Variants in SHOC2 observed in about 807,000 individuals in gnomAD.
SHOC2 encodes the protein SHOC2 leucine rich repeat scaffold protein.
SHOC2 carries 4 observed loss-of-function variants against 50.2 expected under a neutral mutation model. That is an observed-to-expected ratio of 0.08 (90% CI 0.04 to 0.18). SHOC2 has a LOEUF of 0.18. Ranked by LOEUF, SHOC2 falls within the 10% of genes least tolerant of loss-of-function variation. SHOC2 has a pLI of 1.00. For synonymous variants in SHOC2, 218 were observed against 244.5 expected (o/e 0.89, Z 1.01); for missense variants, 388 against 669.6 (o/e 0.58, Z 4.64).
rs530191382 is a variant in SHOC2, at chr10:110,973,516, C to A, written c.703+8455C>A. On this transcript the variant is annotated intron_variant, in intron 2 of 8. Transcript: ENST00000369452. ...TATTTTCTTTTTTAAAAATTTTGAT[C>A]ATGGTTTGGTATCAGGGTAATACTG... is the stretch of plus-strand genomic sequence containing the variant. 2.0e-5 allele frequency among the ~76,000 whole-genome samples: 3 copies of A among 151,846 alleles called. No individual in the cohort carries two copies. The East Asian group carries it at 5.8e-4, about 29-fold the overall frequency.
chr10:111,007,471 G>GTATA (rs1202201014), intron 5 of SHOC2, 60 bp from the exon 6 acceptor site: 5 of 1,571,756 alleles, frequency 3.2e-6, no homozygotes, highest in Non-Finnish European at 4.4e-6. Context: ...GAAGTGACAG[G>GTATA]TATATATAGA....
At chr10:110,933,494 G>T (rs1286887534) in intron 1 of SHOC2, among the ~76,000 whole-genome samples, 1 of 152,120 alleles carries the variant, frequency 6.6e-6, no homozygotes, top group African/African-American at 2.4e-5. Context: ...AAACCAATAG[G>T]ACTAGGATAC....
intron 1 of SHOC2, among the ~76,000 whole-genome samples, chr10:110,937,778 CAT>C (rs1847058163): frequency 6.6e-6 from 1 of 152,124 alleles, no homozygotes; most frequent in Non-Finnish European, 1.5e-5. Context: ...CACAATTTAA[CAT>C]ATGAGTTTGA....
At chr10:111,007,412 A>C in intron 5 of SHOC2, 119 bp from the exon 6 acceptor site, 2 of 1,161,950 alleles carry the variant, frequency 1.7e-6, no homozygotes, top group Non-Finnish European at 2.5e-6. Context: ...TCTATATTTA[A>C]ATATCAAAAA....
At chr10:110,978,045 A>G (rs1346399757) in intron 2 of SHOC2, among the ~76,000 whole-genome samples, 7 of 152,184 alleles carry the variant, frequency 4.6e-5, no homozygotes, top group Non-Finnish European at 1.0e-4. Flanking sequence ...GCTTTCCTAG[A>G]CTAAAATCGT....
chr10:110,926,986 C>G (rs1442493731), intron 1 of SHOC2, among the ~76,000 whole-genome samples: 9 of 152,104 alleles, frequency 5.9e-5, no homozygotes. Context: ...GTTTACTTTG[C>G]TATGAAATAT....
chr10:110,977,066 C>T (rs954135273), intron 2 of SHOC2, among the ~76,000 whole-genome samples: 1 of 152,154 alleles, frequency 6.6e-6, no homozygotes, highest in African/African-American at 2.4e-5. Context: ...TTTTATTTCT[C>T]ACCTCTATAC....
intron 1 of SHOC2, among the ~76,000 whole-genome samples, chr10:110,949,785 A>G (rs559005041): frequency 3.0e-4 from 45 of 152,366 alleles, no homozygotes; most frequent in Non-Finnish European, 4.9e-4. Context: ...AGCATATGCA[A>G]GAACCAATAA....
rs776320801 is a variant in SHOC2 at position 111,011,671 on chromosome 10, C to T, written c.1602C>T (p.Pro534=). 7.4e-6 allele frequency: 12 copies of T among 1,613,900 alleles called. No homozygotes were observed. Among genetic ancestry groups the T allele is most frequent in the South Asian group, 1.1e-5 (1 of 91,074 alleles). ...ACAACCCCAACCTGCATAGCCTTCC[C>T]TTTGAGCTGGCACTCTGCAGCAAGC... ...LNDNPNLHSL[P]FELALCSKLS... The change falls in exon 9 of 9, where the codon CCC becomes CCT. Residue 534 remains proline (P), a synonymous_variant. Coordinates refer to ENST00000369452, the MANE Select transcript of SHOC2 (RefSeq NM_007373.4).
At chr10:110,988,120 C>T (rs905609702) in intron 3 of SHOC2, among the ~76,000 whole-genome samples, 5 of 152,042 alleles carry the variant, frequency 3.3e-5, no homozygotes, top group African/African-American at 1.2e-4. Flanking sequence ...TAAAAAGTTA[C>T]ATTCTGGTGG....
At chr10:110,938,406 T>C (rs1847070893) in intron 1 of SHOC2, among the ~76,000 whole-genome samples, 1 of 152,174 alleles carries the variant, frequency 6.6e-6, no homozygotes, top group Non-Finnish European at 1.5e-5. Flanking sequence ...TTTTTAGCCT[T>C]TGTTACTCTA....
intron 6 of SHOC2, among the ~76,000 whole-genome samples, chr10:111,008,003 T>C (rs985248823): frequency 6.6e-6 from 1 of 151,672 alleles, no homozygotes; most frequent in Non-Finnish European, 1.5e-5. Context: ...ATTCTCAGAC[T>C]GTCATTTAGA....
intron 2 of SHOC2, among the ~76,000 whole-genome samples, chr10:110,977,309 T>C (rs1296376228): frequency 6.6e-6 from 1 of 152,178 alleles, no homozygotes; most frequent in Non-Finnish European, 1.5e-5. Flanking sequence ...TGGAGTGCAA[T>C]GGTGTGATCT....
At chr10:110,981,193 G>A (rs1478152863) in intron 2 of SHOC2, among the ~76,000 whole-genome samples, 1 of 152,206 alleles carries the variant, frequency 6.6e-6, no homozygotes, top group Non-Finnish European at 1.5e-5. Flanking sequence ...TTGGAGCAGA[G>A]ACTCTCTAGC....
intron 2 of SHOC2, among the ~76,000 whole-genome samples, chr10:110,981,416 T>A (rs944380557): frequency 2.0e-5 from 3 of 152,200 alleles, no homozygotes; most frequent in African/African-American, 7.2e-5. Context: ...TGACTCTGCA[T>A]CACATTTCTC....
rs946130369 is a variant in SHOC2 at position 111,009,929 on chromosome 10, C to T, written c.1540+99C>T. 42 of 775,020 alleles carry T rather than the reference C, an allele frequency of 5.4e-5. No individual in the cohort carries two copies. The South Asian group carries it at 5.9e-4, about 11-fold the overall frequency. The allele number at this position is 775,020 out of a possible 1,614,324, so 48.0% of individuals were successfully genotyped here. ...TATGACAAATCTATTGTTTTTTAAA[C>T]TGAGGTTATATCAGGCTTAAGATTT... On this transcript the variant is annotated intron_variant, in intron 8 of 8. Coordinates refer to ENST00000369452, the MANE Select transcript of SHOC2 (RefSeq NM_007373.4).
chr10:110,941,621 G>A (rs768801615), intron 1 of SHOC2, among the ~76,000 whole-genome samples: 2 of 152,164 alleles, frequency 1.3e-5, no homozygotes, highest in African/African-American at 2.4e-5. Flanking sequence ...TGTGCCTGGC[G>A]TAATGTTGAG....
intron 1 of SHOC2, among the ~76,000 whole-genome samples, chr10:110,945,163 C>A (rs914884239): frequency 2.0e-5 from 3 of 152,176 alleles, no homozygotes; most frequent in Non-Finnish European, 4.4e-5. Context: ...AAAACACTTT[C>A]CTGTAATTTT....
intron 2 of SHOC2, among the ~76,000 whole-genome samples, chr10:110,980,034 C>T (rs1195634907): frequency 6.6e-6 from 1 of 152,146 alleles, no homozygotes; most frequent in Non-Finnish European, 1.5e-5. Flanking sequence ...ATTGCTGAGA[C>T]ATCCAAGTGT....
Sources: gnomAD v4.1 joint callset for allele counts (sites outside exome capture counted in the v4.1 genomes callset) on GRCh38, gnomAD v4.1.1 for gene constraint, MANE v1.5 for transcripts, NCBI Gene and HGNC (gene_info 2026-07-23, HGNC 2026-07-21) for gene names.